A1CF: variants seen among roughly 807,000 people sequenced by gnomAD.
A1CF encodes the protein APOBEC-1 stimulating protein.
In A1CF, 48 loss-of-function variants were observed where a neutral mutation model predicts 68.9. The observed-to-expected ratio is 0.70, with a 90% CI of 0.55 to 0.89. The LOEUF is 0.89. A1CF is among the 40% of genes least tolerant of loss of function. The probability of loss-of-function intolerance (pLI) is 0.00; values close to 1 mark genes in which losing one functional copy is unlikely to be tolerated. For missense variants in A1CF, 653 were observed against 718.9 expected, an observed-to-expected ratio of 0.91 and a Z score of 1.05; for synonymous variants, 272 against 260.4, an observed-to-expected ratio of 1.04 and a Z score of -0.43.
intron 4 of A1CF, 76 bp from the exon 5 acceptor site, chr10:50,842,068 C>A: frequency 7.9e-7 from 1 of 1,257,980 alleles, no homozygotes; most frequent in Non-Finnish European, 1.1e-6. Flanking sequence ...TGCTGATACA[C>A]ACACAAACAC....
At chr10:50,863,526 T>C (rs913976524) in intron 2 of A1CF, among the ~76,000 whole-genome samples, 3 of 152,336 alleles carry the variant, frequency 2.0e-5, no homozygotes, top group Non-Finnish European at 4.4e-5. Flanking sequence ...AGAAATTATT[T>C]ATTGAGTATC....
chr10:50,813,320 ACT>A (rs1838209105), intron 10 of A1CF, among the ~76,000 whole-genome samples: 1 of 152,088 alleles, frequency 6.6e-6, no homozygotes, highest in African/African-American at 2.4e-5. Context: ...CACAGTAAAA[ACT>A]CTCTGTAATG....
intron 3 of A1CF, among the ~76,000 whole-genome samples, chr10:50,856,714 C>A (rs1288555113): frequency 6.6e-6 from 1 of 152,058 alleles, no homozygotes; most frequent in Non-Finnish European, 1.5e-5. Flanking sequence ...TAGTAGCTAT[C>A]ACACAGTGTA....
chr10:50,826,922 A>T (rs1350037203), intron 7 of A1CF, among the ~76,000 whole-genome samples: 1 of 152,198 alleles, frequency 6.6e-6, no homozygotes, highest in Non-Finnish European at 1.5e-5. Flanking sequence ...GGCTCAAAGT[A>T]AATGGATGGA....
chr10:50,866,728 T>C (rs1454041689), intron 1 of A1CF, among the ~76,000 whole-genome samples: 1 of 152,112 alleles, frequency 6.6e-6, no homozygotes, highest in African/African-American at 2.4e-5. Flanking sequence ...AACCAAGTCA[T>C]GGAAAGAAAA....
At chr10:50,859,719 A>G in intron 3 of A1CF, 123 bp downstream of exon 3, 2 of 769,336 alleles carry the variant, frequency 2.6e-6, no homozygotes, top group South Asian at 4.0e-5. Context: ...TCTCTTTTAG[A>G]AAGGGACATT....
Position 50,804,063 on chromosome 10 carries a change from C to T in A1CF, c.*2666G>A, listed in dbSNP as rs1440781121. The stretch of plus-strand genomic sequence containing the variant: ...ACATATGGCATGGTAGACACATTAA[C>T]ACTTTCTATGAAGGTATTTTAATGG... On this transcript the variant is annotated 3_prime_UTR_variant, in exon 13 of 13. Transcript: ENST00000373997. The T allele has an allele frequency of 6.6e-6, 1 of 152,150 alleles. No individual in the cohort carries two copies. The highest frequency in any genetic ancestry group is 1.5e-5 in the Non-Finnish European group (1 of 68,008). The allele number at this position is 152,150 out of a possible 1,614,324, so 9.4% of individuals were successfully genotyped here. A position where few individuals can be genotyped will look rare whatever the true frequency, so the allele number is the denominator to read the frequency against.
chr10:50,862,193 C>T (rs896565287), intron 2 of A1CF, among the ~76,000 whole-genome samples: 1 of 151,956 alleles, frequency 6.6e-6, no homozygotes, highest in Admixed American at 6.6e-5. Context: ...TGGTGAAACC[C>T]TGTCTCTATT....
At chr10:50,808,266 A>C (rs1448573065) in intron 12 of A1CF, among the ~76,000 whole-genome samples, 1 of 152,202 alleles carries the variant, frequency 6.6e-6, no homozygotes, top group Non-Finnish European at 1.5e-5. Flanking sequence ...AAGTTATAAG[A>C]GAGGCTCTCA....
At chr10:50,828,320 A>G (rs771533375) in intron 6 of A1CF, 25 bp from the exon 7 acceptor site, 1 of 1,501,672 alleles carries the variant, frequency 6.7e-7, no homozygotes, top group Non-Finnish European at 9.0e-7. Context: ...CACCATTATG[A>G]TTAATTATGT....
chr10:50,811,323 T>A, intron 10 of A1CF, 147 bp from the exon 11 acceptor site: 1 of 727,424 alleles, frequency 1.4e-6, no homozygotes, highest in Non-Finnish European at 2.1e-6. Context: ...TCATAAAATT[T>A]AAGATGAACT....
chr10:50,815,752 A>G (rs1838334714), intron 9 of A1CF, among the ~76,000 whole-genome samples: 1 of 152,214 alleles, frequency 6.6e-6, no homozygotes, highest in Non-Finnish European at 1.5e-5. Context: ...TGCAAATTTT[A>G]TGGGCCCATG....
chr10:50,808,034 A>G (rs1837918144), intron 12 of A1CF, among the ~76,000 whole-genome samples: 1 of 152,226 alleles, frequency 6.6e-6, no homozygotes, highest in South Asian at 2.1e-4. Context: ...ATGTGTTAAC[A>G]GTTACTTTCA....
At chr10:50,857,724 T>C (rs556824404) in intron 3 of A1CF, among the ~76,000 whole-genome samples, 17 of 152,328 alleles carry the variant, frequency 1.1e-4, no homozygotes, top group African/African-American at 3.8e-4. Context: ...AACAATGGGT[T>C]GGCCTGCAGC....
intron 1 of A1CF, among the ~76,000 whole-genome samples, chr10:50,885,216 TA>T (rs1841951914): frequency 6.6e-6 from 1 of 152,174 alleles, no homozygotes; most frequent in African/African-American, 2.4e-5. Context: ...TTTCTTTTGT[TA>T]ATTATATTTT....
In A1CF at chr10:50,805,896, T is replaced by C. The variant is rs1837794203; in HGVS notation, c.*833A>G. ...TTTATGATATTAGGTAGGAGAAAAA[T>C]GAGTCTGAGATGATGAAAATCAAGC... On this transcript the variant is annotated 3_prime_UTR_variant, in exon 13 of 13. Transcript: ENST00000373997. 1 of 152,108 alleles carries C rather than the reference T, an allele frequency of 6.6e-6. No homozygotes were observed. The highest frequency in any genetic ancestry group is 1.5e-5 in the Non-Finnish European group (1 of 68,032). 9.4% of individuals were successfully genotyped at this position (152,108 alleles called of 1,614,324 possible). A position where few individuals can be genotyped will look rare whatever the true frequency, so the allele number is the denominator to read the frequency against.
intron 3 of A1CF, among the ~76,000 whole-genome samples, chr10:50,848,721 A>C (rs577266205): frequency 6.6e-6 from 1 of 152,212 alleles, no homozygotes; most frequent in East Asian, 1.9e-4. Context: ...TGTATTTTTC[A>C]TAACTAAACT....
At position 50,878,938 on chromosome 10, in the gene A1CF, T is replaced by G. The variant is rs1337951742; in HGVS notation, c.-94+6643A>C. On this transcript the variant is annotated intron_variant, in intron 1 of 12. Transcript: ENST00000373997. The stretch of plus-strand genomic sequence containing the variant: ...AAATACCTGCTACTCAAGTCCCTTA[T>G]ATCACCCCCAAGTTACTTGTGACAC... Among the ~76,000 whole-genome samples the G allele has an allele frequency of 3.3e-5, 5 of 152,198 alleles. No homozygotes were observed. In the East Asian group the frequency reaches 9.6e-4, roughly 29 times the overall value.
chr10:50,813,111 G>A (rs1588966605), intron 10 of A1CF, among the ~76,000 whole-genome samples: 1 of 152,292 alleles, frequency 6.6e-6, no homozygotes, highest in East Asian at 1.9e-4. Flanking sequence ...TGATTATTCA[G>A]CCAAAATGTA....
Sources: allele counts gnomAD v4.1 joint callset (sites outside exome capture counted in the v4.1 genomes callset), GRCh38; gene constraint gnomAD v4.1.1; transcripts MANE v1.5; gene names NCBI Gene and HGNC (gene_info 2026-07-23, HGNC 2026-07-21).